The following CEP192 variants were observed in gnomAD, a reference collection of about 807,000 sequenced individuals.
CEP192 encodes the protein centrosomal protein of 192 kDa.
In CEP192, 151 loss-of-function variants were observed where a neutral mutation model predicts 271.8. The observed-to-expected ratio is 0.56, with a 90% CI of 0.49 to 0.64. The LOEUF (loss-of-function observed/expected upper bound fraction) is 0.64. CEP192 is among the 30% of genes least tolerant of loss of function. The pLI is 0.00. For synonymous variants in CEP192, 995 were observed against 1,076.5 expected, an observed-to-expected ratio of 0.92 and a Z score of 1.48; for missense variants, 2,910 against 3,020.5, an observed-to-expected ratio of 0.96 and a Z score of 0.86.
intron 3 of CEP192, among the ~76,000 whole-genome samples, chr18:13,004,899 T>C (rs2033884196): frequency 6.6e-6 from 1 of 152,046 alleles, no homozygotes. Flanking sequence ...GCTGAGGATG[T>C]AAGATTGGCC....
Position 13,043,276 on chromosome 18 carries a change from G to A in CEP192, c.2067+942G>A, listed in dbSNP as rs1378879553. ...TAGGTGTTGTTTACATTGGATAGGAGCCTTTTGTCAGTTATGAGTGTTCCA... is the reference window on the plus strand; with the variant it reads ...TAGGTGTTGTTTACATTGGATAGGAACCTTTTGTCAGTTATGAGTGTTCCA... On this transcript the variant is annotated intron_variant, in intron 15 of 44. Transcript: ENST00000506447. Among the ~76,000 whole-genome samples the A allele has an allele frequency of 2.6e-5, 4 of 152,218 alleles. No homozygotes were observed. In the East Asian group the frequency reaches 5.8e-4, roughly 22 times the overall value.
chr18:13,008,554 A>T lies in CEP192; in HGVS notation c.389A>T (p.Glu130Val), dbSNP rs2034125004. 1 of 1,551,708 alleles carries T rather than the reference A, an allele frequency of 6.4e-7. No individual in the cohort carries two copies. The highest frequency in any genetic ancestry group is 1.2e-5 in the South Asian group (1 of 84,068). The change falls in exon 4 of 45, where the codon GAG becomes GTG. Residue 130 changes from glutamate to valine, a missense_variant. By Grantham distance (121) the Glu-to-Val change is moderately radical. Coordinates refer to ENST00000506447, the MANE Select transcript of CEP192 (RefSeq NM_032142.4). ...ALQMETAGPEEEPAGATESLQ... is the reference protein window; with the variant it reads ...ALQMETAGPEVEPAGATESLQ... ...CAAATGGAGACAGCAGGACCAGAAG[A>T]GGAGCCAGCCGGAGCTACAGAATCC...
chr18:13,025,319 C>T (rs904657803), intron 9 of CEP192, among the ~76,000 whole-genome samples: 4 of 152,166 alleles, frequency 2.6e-5, no homozygotes, highest in Admixed American at 6.5e-5. Context: ...TAAGCTCAAG[C>T]GATCCTCCTG....
intron 11 of CEP192, among the ~76,000 whole-genome samples, chr18:13,035,019 G>A (rs948327153): frequency 6.6e-6 from 1 of 152,078 alleles, no homozygotes; most frequent in Non-Finnish European, 1.5e-5. Context: ...GTTGTTTTAG[G>A]TATGCCAAAG....
chr18:12,991,494 C>T (rs2032837552), intron 1 of CEP192, 57 bp downstream of exon 1: 1 of 152,398 alleles, frequency 6.6e-6, no homozygotes, highest in Non-Finnish European at 1.5e-5. Flanking sequence ...GACGCATGCA[C>T]CTTTGGCCTA....
At chr18:13,100,554 A>G (rs751311703) in intron 38 of CEP192, 42 bp downstream of exon 38, 22 of 1,425,110 alleles carry the variant, frequency 1.5e-5, no homozygotes, top group Non-Finnish European at 2.1e-5. Flanking sequence ...GTCTGCTGAT[A>G]TATTGAGTCT....
At chr18:12,996,921 A>T (rs1455950076) in intron 1 of CEP192, among the ~76,000 whole-genome samples, 4 of 152,112 alleles carry the variant, frequency 2.6e-5, no homozygotes, top group Non-Finnish European at 5.9e-5. Context: ...TGGGAGTGGA[A>T]CTGGATGCCA....
chr18:13,095,591 C>T lies in CEP192; in HGVS notation c.6343C>T (p.Arg2115Trp), dbSNP rs370640897. 49 of 1,614,156 alleles carry T rather than the reference C, an allele frequency of 3.0e-5. No homozygotes were observed. The highest frequency in any genetic ancestry group is 3.3e-4 in the Middle Eastern group (2 of 6,062). Residue 2115 changes from arginine (R) to tryptophan (W), a missense_variant, in exon 35 of 45, where the codon CGG (arginine) becomes TGG (tryptophan). By Grantham distance (101) the Arg-to-Trp change is moderately radical (BLOSUM62 -3). Coordinates refer to ENST00000506447, the MANE Select transcript of CEP192 (RefSeq NM_032142.4). ...KGPQGSPLLS[R>W]AARPPLDQLA... Reference sequence around the variant, plus strand: ...TCCTCAGGGTTCTCCTCTTCTCTCACGGGCGGCTCGCCCGCCTCTGGATCA... The same window carrying T: ...TCCTCAGGGTTCTCCTCTTCTCTCATGGGCGGCTCGCCCGCCTCTGGATCA...
chr18:13,117,892 C>T (rs1358929535), intron 44 of CEP192, among the ~76,000 whole-genome samples: 1 of 152,210 alleles, frequency 6.6e-6, no homozygotes, highest in Non-Finnish European at 1.5e-5. Context: ...ACTCCTCCCA[C>T]CCAGGATTTG....
At chr18:13,053,172 C>A (rs917625617) in intron 18 of CEP192, 82 bp downstream of exon 18, 56 of 1,167,686 alleles carry the variant, frequency 4.8e-5, no homozygotes, top group East Asian at 2.9e-4. Context: ...GACTACAGTT[C>A]AAGCCTATAT....
At chr18:13,069,893 G>T in intron 27 of CEP192, 37 bp downstream of exon 27, 2 of 1,237,044 alleles carry the variant, frequency 1.6e-6, no homozygotes, top group East Asian at 2.4e-5. Flanking sequence ...GGGCACAGTG[G>T]CTCATGCCTG....
intron 4 of CEP192, among the ~76,000 whole-genome samples, chr18:13,009,700 G>A (rs1270787477): frequency 6.6e-6 from 1 of 152,168 alleles, no homozygotes; most frequent in African/African-American, 2.4e-5. Context: ...AGACATCATG[G>A]TGGCTACCTG....
chr18:13,112,790 G>A (rs951101332), intron 40 of CEP192, among the ~76,000 whole-genome samples: 64 of 152,174 alleles, frequency 4.2e-4, no homozygotes, highest in African/African-American at 1.5e-3. Flanking sequence ...AAGGTTCTGC[G>A]TGGGCAGAAA....
Position 13,029,836 on chromosome 18 carries a change from A to G in CEP192, c.1224A>G (p.Gly408=), listed in dbSNP as rs1023828181. The G allele has an allele frequency of 1.3e-6, 2 of 1,551,678 alleles. No individual in the cohort carries two copies. The highest frequency in any genetic ancestry group is 2.4e-5 in the East Asian group (1 of 40,906). The change falls in exon 10 of 45, where the codon GGA becomes GGG. Residue 408 remains glycine (G), a synonymous_variant. Coordinates refer to ENST00000506447, the MANE Select transcript of CEP192 (RefSeq NM_032142.4). Reference sequence around the variant, plus strand: ...ATAAGACAGTTTTGCACATGGATGGATGTTTAGACACTGAGACTCCTACGG... The same window carrying G: ...ATAAGACAGTTTTGCACATGGATGGGTGTTTAGACACTGAGACTCCTACGG... ...HQNKTVLHMD[G]CLDTETPTVS...
At chr18:13,104,444 C>T (rs545072941) in intron 39 of CEP192, among the ~76,000 whole-genome samples, 1 of 152,098 alleles carries the variant, frequency 6.6e-6, no homozygotes, top group Non-Finnish European at 1.5e-5. Context: ...AGCCATAATA[C>T]TACCAAAATG....
At chr18:13,093,053 G>T (rs2039227295) in intron 34 of CEP192, among the ~76,000 whole-genome samples, 1 of 152,158 alleles carries the variant, frequency 6.6e-6, no homozygotes, top group Non-Finnish European at 1.5e-5. Flanking sequence ...CAGCTACTGG[G>T]GAGGCTGAGG....
intron 40 of CEP192, among the ~76,000 whole-genome samples, chr18:13,112,205 A>C (rs1363458110): frequency 6.6e-6 from 1 of 152,264 alleles, no homozygotes; most frequent in Non-Finnish European, 1.5e-5. Context: ...CACAATAGAC[A>C]AAAAAGTGGG....
At chr18:13,080,716 A>C (rs1417966529) in intron 30 of CEP192, among the ~76,000 whole-genome samples, 1 of 152,178 alleles carries the variant, frequency 6.6e-6, no homozygotes, top group African/African-American at 2.4e-5. Context: ...GTCTTGTGCC[A>C]GTTTTCAAAG....
intron 40 of CEP192, among the ~76,000 whole-genome samples, chr18:13,111,112 C>T (rs755187596): frequency 2.6e-5 from 4 of 152,056 alleles, no homozygotes; most frequent in Non-Finnish European, 5.9e-5. Context: ...TGAGTTGACA[C>T]CTAATATTTG....
Sources: gnomAD v4.1 joint callset for allele counts (sites outside exome capture counted in the v4.1 genomes callset) on GRCh38, gnomAD v4.1.1 for gene constraint, MANE v1.5 for transcripts, NCBI Gene and HGNC (gene_info 2026-07-23, HGNC 2026-07-21) for gene names.